The following WASHC5 variants were observed in gnomAD, a reference collection of about 807,000 sequenced individuals.
WASHC5 encodes the protein WASH complex subunit 5.
In WASHC5, 101 loss-of-function variants were observed where a neutral mutation model predicts 150.4. The ratio of observed to expected loss-of-function variants is 0.67; its 90% CI spans 0.57 to 0.79. WASHC5 has a LOEUF of 0.79. WASHC5 is among the 30% of genes least tolerant of loss of function. WASHC5 has a pLI of 0.00. For missense variants in WASHC5, 1,195 were observed against 1,396.3 expected (o/e 0.86, Z 2.30); for synonymous variants, 467 against 491.2 (o/e 0.95, Z 0.65).
rs1214416109 is a variant in WASHC5 at position 125,072,335 on chromosome 8, T to TA, written c.1150+817dup. On this transcript the variant is annotated intron_variant, in intron 9 of 28. Coordinates refer to ENST00000318410, the MANE Select transcript of WASHC5 (RefSeq NM_014846.4). ...ACCTGGGGAACTTGAGATCCTGTCT[T>TA]AAAAAAAAAAAAAAAGTGGGGGGGG... Among the ~76,000 whole-genome samples the TA allele has an allele frequency of 5.8e-3, 406 of 69,882 alleles. 16 individuals carry two copies. Among genetic ancestry groups the TA allele is most frequent in the African/African-American group, 0.015 (203 of 13,304 alleles). The allele number at this position is 69,882 out of a possible 152,430, so 45.8% of individuals were successfully genotyped here. A position where few individuals can be genotyped will look rare whatever the true frequency, so the allele number is the denominator to read the frequency against.
At chr8:125,046,861 G>A (rs371443373) in intron 20 of WASHC5, among the ~76,000 whole-genome samples, 2 of 152,152 alleles carry the variant, frequency 1.3e-5, no homozygotes, top group South Asian at 2.1e-4. Context: ...ACGCTCCTAT[G>A]AGAATCTAAT....
chr8:125,078,254 T>C (rs779095358), intron 6 of WASHC5, among the ~76,000 whole-genome samples: 2 of 152,154 alleles, frequency 1.3e-5, no homozygotes, highest in Non-Finnish European at 2.9e-5. Flanking sequence ...CTGGCACTCC[T>C]CTTACCTTCC....
chr8:125,050,318 A>C (rs1816201459), intron 18 of WASHC5, among the ~76,000 whole-genome samples: 1 of 152,214 alleles, frequency 6.6e-6, no homozygotes, highest in South Asian at 2.1e-4. Context: ...TGGAGGAAAG[A>C]AGCACTGGTT....
chr8:125,074,527 G>A (rs1004078237), intron 8 of WASHC5, among the ~76,000 whole-genome samples: 7 of 152,056 alleles, frequency 4.6e-5, no homozygotes, highest in African/African-American at 1.2e-4. Context: ...GAATATAACC[G>A]TTTAACCTTT....
At chr8:125,091,197 G>A (rs1469023640) in intron 1 of WASHC5, among the ~76,000 whole-genome samples, 1 of 151,986 alleles carries the variant, frequency 6.6e-6, no homozygotes, top group Admixed American at 6.5e-5. Flanking sequence ...ATTAAGGCGC[G>A]GCGAGCAGCA....
Position 125,077,581 on chromosome 8 carries a change from A to G in WASHC5, c.712-1081T>C, listed in dbSNP as rs149498174. 4.1e-3 allele frequency among the ~76,000 whole-genome samples: 619 copies of G among 152,310 alleles called. 2 individuals carry two copies. The highest frequency in any genetic ancestry group is 7.4e-3 in the Non-Finnish European group (506 of 68,036). Reference sequence around the variant, plus strand: ...TGGGGCAAGGAGGAAATGGAAGCACATTGCCTTCAGAAGGACGTGGAATGA... The same window carrying G: ...TGGGGCAAGGAGGAAATGGAAGCACGTTGCCTTCAGAAGGACGTGGAATGA... On this transcript the variant is annotated intron_variant, in intron 6 of 28. Coordinates refer to ENST00000318410, the MANE Select transcript of WASHC5 (RefSeq NM_014846.4).
chr8:125,025,180 T>A (rs1815341529), intron 28 of WASHC5, among the ~76,000 whole-genome samples: 1 of 152,106 alleles, frequency 6.6e-6, no homozygotes, highest in Non-Finnish European at 1.5e-5. Context: ...AAGACTAAAT[T>A]GGGCTCAGTT....
Position 125,044,563 on chromosome 8 carries a change from C to T in WASHC5, c.2640G>A (p.Leu880=). The change falls in exon 21 of 29, where the codon CTG becomes CTA. Residue 880 remains leucine, a synonymous_variant. Transcript: ENST00000318410. The part of the protein sequence containing the change: ...TFGLNGLDRL[L]CFMIVKELQN... Reference sequence around the variant, plus strand: ...GTAACTCTTTTACAATCATAAAGCACAGAAGCCTGTCTAAGCCATTTAGAC... The same window carrying T: ...GTAACTCTTTTACAATCATAAAGCATAGAAGCCTGTCTAAGCCATTTAGAC... 6.2e-7 allele frequency: 1 copy of T among 1,614,086 alleles called. No individual in the cohort carries two copies. Among genetic ancestry groups the T allele is most frequent in the South Asian group, 1.1e-5 (1 of 91,084 alleles).
At chr8:125,052,615 C>CAT (rs1269575635) in intron 17 of WASHC5, among the ~76,000 whole-genome samples, 9 of 129,978 alleles carry the variant, frequency 6.9e-5, no homozygotes, top group Non-Finnish European at 1.2e-4. Context: ...ACACTACACA[C>CAT]ACACACACAC....
intron 1 of WASHC5, among the ~76,000 whole-genome samples, chr8:125,085,157 T>A (rs1277277026): frequency 6.6e-6 from 1 of 152,096 alleles, no homozygotes; most frequent in East Asian, 1.9e-4. Context: ...AGAAAAAAAA[T>A]CAGAGAGATG....
intron 10 of WASHC5, among the ~76,000 whole-genome samples, chr8:125,064,375 T>C (rs1199890739): frequency 8.6e-6 from 1 of 115,660 alleles, no homozygotes; most frequent in Non-Finnish European, 1.6e-5. Flanking sequence ...GTTAATTTTC[T>C]TATTTATTTA....
In WASHC5 at chr8:125,049,082, T is replaced by C; in HGVS notation, c.2303A>G (p.Lys768Arg). 6.2e-7 allele frequency: 1 copy of C among 1,614,064 alleles called. No individual in the cohort carries two copies. The highest frequency in any genetic ancestry group is 8.5e-7 in the Non-Finnish European group (1 of 1,179,942). Reference protein sequence around the residue: ...IQDYVNIYGLKIWQEEVSRII... With the variant: ...IQDYVNIYGLRIWQEEVSRII... Reference sequence around the variant, plus strand: ...ACGAGATACTTCTTCCTGCCAAATCTTCAGACCATAAATGTTGACATAGTC... The same window carrying C: ...ACGAGATACTTCTTCCTGCCAAATCCTCAGACCATAAATGTTGACATAGTC... Residue 768 changes from lysine to arginine, a missense_variant, in exon 19 of 29, where the codon AAG (lysine) becomes AGG (arginine). Coordinates refer to ENST00000318410, the MANE Select transcript of WASHC5 (RefSeq NM_014846.4).
chr8:125,058,729 AAAAAG>A (rs1816494393), intron 14 of WASHC5, among the ~76,000 whole-genome samples: 1 of 147,272 alleles, frequency 6.8e-6, no homozygotes, highest in African/African-American at 2.7e-5. Context: ...TCTCAAAAAA[AAAAAG>A]AAGAAGAAGA....
rs750814654 is a variant in WASHC5 at position 125,073,204 on chromosome 8, T to G, written c.1099A>C (p.Arg367=). 5.6e-6 allele frequency: 9 copies of G among 1,614,060 alleles called. No homozygotes were observed. The highest frequency in any genetic ancestry group is 7.6e-6 in the Non-Finnish European group (9 of 1,180,016). Residue 367 remains arginine, a synonymous_variant, in exon 9 of 29, where the codon AGA becomes CGA. Coordinates refer to ENST00000318410, the MANE Select transcript of WASHC5 (RefSeq NM_014846.4). Reference sequence around the variant, plus strand: ...CATCGGATGGCAACATTGCAGTCTCTCAGGCAGTTCAGAAGCTTTGGGATA... The same window carrying G: ...CATCGGATGGCAACATTGCAGTCTCGCAGGCAGTTCAGAAGCTTTGGGATA... The part of the protein sequence containing the change: ...DNIPKLLNCL[R]DCNVAIRWLM...
chr8:125,055,714 G>T, intron 16 of WASHC5, 43 bp from the exon 17 acceptor site: 1 of 1,127,376 alleles, frequency 8.9e-7, no homozygotes, highest in Non-Finnish European at 1.4e-6. Context: ...CTGTCTAATA[G>T]TCCTGGAATG....
intron 9 of WASHC5, among the ~76,000 whole-genome samples, chr8:125,068,823 A>C (rs1816822975): frequency 6.6e-6 from 1 of 152,274 alleles, no homozygotes; most frequent in African/African-American, 2.4e-5. Flanking sequence ...ACCCAAGGTA[A>C]AAATACTGGA....
intron 8 of WASHC5, among the ~76,000 whole-genome samples, chr8:125,073,925 G>C (rs1448670254): frequency 6.6e-6 from 1 of 152,320 alleles, no homozygotes; most frequent in African/African-American, 2.4e-5. Context: ...AAGTTCAATT[G>C]CTTGTTCTTG....
At chr8:125,079,185 C>CTTTTT (rs34211379) in intron 5 of WASHC5, among the ~76,000 whole-genome samples, 141 of 57,578 alleles carry the variant, frequency 2.4e-3, no homozygotes, top group Non-Finnish European at 2.7e-3. Flanking sequence ...TATATATAAC[C>CTTTTT]TTTTTTTTTT....
Position 125,083,230 on chromosome 8 carries a change from T to C in WASHC5, c.215A>G (p.Asp72Gly). The change falls in exon 3 of 29, where the codon GAT (aspartate) becomes GGT (glycine). Residue 72 changes from aspartate to glycine, a missense_variant. Transcript: ENST00000318410. The part of the protein sequence containing the change: ...KGPELWESKL[D>G]AKPELQDLDE... ...TAAATCCTGTAGCTCTGGCTTAGCATCCAGTTTGCTTTCCCATAATTCTGG... is the reference window on the plus strand; with the variant it reads ...TAAATCCTGTAGCTCTGGCTTAGCACCCAGTTTGCTTTCCCATAATTCTGG... 1 of 1,613,246 alleles carries C rather than the reference T, an allele frequency of 6.2e-7. No individual in the cohort carries two copies. The highest frequency in any genetic ancestry group is 8.5e-7 in the Non-Finnish European group (1 of 1,179,456).
Sources: allele counts gnomAD v4.1 joint callset (sites outside exome capture counted in the v4.1 genomes callset), GRCh38; gene constraint gnomAD v4.1.1; transcripts MANE v1.5; gene names NCBI Gene and HGNC (gene_info 2026-07-23, HGNC 2026-07-21).